Variants in SLC35A4 observed in about 807,000 individuals in gnomAD.
SLC35A4 encodes probable UDP-sugar transporter protein SLC35A4.
A neutral mutation model predicts 18.8 loss-of-function variants in SLC35A4; 9 were observed. The observed-to-expected ratio is 0.48, with a 90% CI of 0.29 to 0.83. The LOEUF (loss-of-function observed/expected upper bound fraction) is 0.83, where lower values mean the gene tolerates loss of function less well. SLC35A4 is among the 40% of genes least tolerant of loss of function. SLC35A4 has a pLI of 0.09. For missense variants in SLC35A4, 404 were observed against 415.5 expected, an observed-to-expected ratio of 0.97 and a Z score of 0.24; for synonymous variants, 189 against 191.9, an observed-to-expected ratio of 0.98 and a Z score of 0.13.
Position 140,567,384 on chromosome 5 carries a change from G to T in SLC35A4, c.215G>T (p.Gly72Val). The change falls in exon 3 of 3, where the codon GGC (glycine) becomes GTC (valine). Residue 72 changes from glycine to valine, a missense_variant. Coordinates refer to ENST00000323146, the MANE Select transcript of SLC35A4 (RefSeq NM_080670.4). ...LLLCAFSLLV[G>V]WQAWPQGPPP... Reference sequence around the variant, plus strand: ...TTATGCGCCTTCTCCCTTCTGGTAGGCTGGCAAGCATGGCCCCAGGGGCCC... The same window carrying T: ...TTATGCGCCTTCTCCCTTCTGGTAGTCTGGCAAGCATGGCCCCAGGGGCCC... 6.2e-7 allele frequency: 1 copy of T among 1,614,190 alleles called. No homozygotes were observed. The highest frequency in any genetic ancestry group is 8.5e-7 in the Non-Finnish European group (1 of 1,180,030).
rs1203068540 is a variant in SLC35A4, at chr5:140,566,701, T to G, written c.-469T>G. The G allele has an allele frequency of 5.2e-6, 3 of 575,382 alleles. No individual in the cohort carries two copies. The African/African-American group carries it at 5.6e-5, about 11-fold the overall frequency. 35.6% of individuals were successfully genotyped at this position (575,382 alleles called of 1,614,324 possible). ...ATCTATGCGGCTCAGGCATATGCTG[T>G]GCCCAACGTGGAGAAGACATTAAGG... On this transcript the variant is annotated 5_prime_UTR_variant, in exon 3 of 3. Coordinates refer to ENST00000323146, the MANE Select transcript of SLC35A4 (RefSeq NM_080670.4).
Position 140,567,014 on chromosome 5 carries a change from C to A in SLC35A4, c.-156C>A. ...ACCACCAGCCCCTTACTCTTCAAGC[C>A]CTGACTGTGGAGTTGGTAGATGCCT... On this transcript the variant is annotated 5_prime_UTR_variant, in exon 3 of 3. Transcript: ENST00000323146. The A allele has an allele frequency of 8.5e-7, 1 of 1,179,888 alleles. No homozygotes were observed. The highest frequency in any genetic ancestry group is 1.3e-5 in the South Asian group (1 of 79,208). The allele number at this position is 1,179,888 out of a possible 1,614,324, so 73.1% of individuals were successfully genotyped here.
At position 140,567,481 on chromosome 5, in the gene SLC35A4, C is replaced by T; in HGVS notation, c.312C>T (p.Ile104=). 2 of 1,614,186 alleles carry T rather than the reference C, an allele frequency of 1.2e-6. No individual in the cohort carries two copies. The highest frequency in any genetic ancestry group is 2.7e-5 in the African/African-American group (2 of 75,078). Residue 104 remains isoleucine, a synonymous_variant, in exon 3 of 3, where the codon ATC becomes ATT. Transcript: ENST00000323146. The part of the protein sequence containing the change: ...LLYGANNNLV[I]YLQRYMDPST... ...ATGGCGCTAACAACAACCTGGTGATCTATCTTCAGCGTTACATGGACCCCA... is the reference window on the plus strand; with the variant it reads ...ATGGCGCTAACAACAACCTGGTGATTTATCTTCAGCGTTACATGGACCCCA...
At chr5:140,566,103 A>G (rs368645180) in intron 2 of SLC35A4, 132 bp downstream of exon 2, 24 of 396,076 alleles carry the variant, frequency 6.1e-5, no homozygotes, top group Admixed American at 5.3e-4. Flanking sequence ...CCTAAGGACA[A>G]TTTTTCTGAA....
At position 140,567,791 on chromosome 5, in the gene SLC35A4, C is replaced by T. The variant is rs1198413320; in HGVS notation, c.622C>T (p.Leu208=). 13 of 1,613,966 alleles carry T rather than the reference C, an allele frequency of 8.1e-6. No homozygotes were observed. Among genetic ancestry groups the T allele is most frequent in the Non-Finnish European group, 1.1e-5 (13 of 1,180,058 alleles). Residue 208 remains leucine, a synonymous_variant, in exon 3 of 3, where the codon CTG becomes TTG. Coordinates refer to ENST00000323146, the MANE Select transcript of SLC35A4 (RefSeq NM_080670.4). ...ISGLSSVYTE[L]LMKRQRLPLA... ...AGGCTTGTCGTCAGTGTACACAGAGCTGCTCATGAAGCGACAGCGGCTGCC... is the reference window on the plus strand; with the variant it reads ...AGGCTTGTCGTCAGTGTACACAGAGTTGCTCATGAAGCGACAGCGGCTGCC...
chr5:140,566,875 C>T lies in SLC35A4; in HGVS notation c.-295C>T. The stretch of plus-strand genomic sequence containing the variant: ...CTATCTCCAACTTTCCTGCCACCTT[C>T]ATCCTTGCCTCCCTTCCTGCAGATT... On this transcript the variant is annotated 5_prime_UTR_variant, in exon 3 of 3. Transcript: ENST00000323146. The T allele has an allele frequency of 1.6e-6, 1 of 612,916 alleles. No individual in the cohort carries two copies. The highest frequency in any genetic ancestry group is 2.9e-6 in the Non-Finnish European group (1 of 343,554). 38.0% of individuals were successfully genotyped at this position (612,916 alleles called of 1,614,324 possible). A position where few individuals can be genotyped will look rare whatever the true frequency, so the allele number is the denominator to read the frequency against.
intron 1 of SLC35A4, 192 bp from the exon 2 acceptor site, chr5:140,565,671 TCTGTCAGTCC>T (rs1755169065): frequency 2.7e-6 from 1 of 368,000 alleles, no homozygotes; most frequent in Non-Finnish European, 4.8e-6. Context: ...TCAGATCCCA[TCTGTCAGTCC>T]CTTCCTGGCC....
chr5:140,567,996 G>A lies in SLC35A4; in HGVS notation c.827G>A (p.Ser276Asn), dbSNP rs751738056. 1.2e-6 allele frequency: 2 copies of A among 1,614,134 alleles called. No homozygotes were observed. Among genetic ancestry groups the A allele is most frequent in the South Asian group, 2.2e-5 (2 of 91,088 alleles). The change falls in exon 3 of 3, where the codon AGC becomes AAC. Residue 276 changes from serine to asparagine, a missense_variant. Coordinates refer to ENST00000323146, the MANE Select transcript of SLC35A4 (RefSeq NM_080670.4). ...LMSAVMKHGS[S>N]ITRLFVVSCS... The stretch of plus-strand genomic sequence containing the variant: ...TCTGCTGTCATGAAGCATGGCAGCA[G>A]CATCACACGCCTCTTTGTGGTGTCC...
chr5:140,567,719 A>C lies in SLC35A4; in HGVS notation c.550A>C (p.Ile184Leu). ...TGCTGCCAGCCCCATGCCCCTGCAT[A>C]TCACTCCGCTAGGCCTGCTGCTCCT... is the stretch of plus-strand genomic sequence containing the variant. Reference protein sequence around the residue: ...AAAASPMPLHITPLGLLLLIL... With the variant: ...AAAASPMPLHLTPLGLLLLIL... Residue 184 changes from isoleucine to leucine, a missense_variant, in exon 3 of 3, where the codon ATC (isoleucine) becomes CTC (leucine). Physicochemically the swap from Ile to Leu is conservative, Grantham distance 5. Transcript: ENST00000323146. 1 of 1,614,134 alleles carries C rather than the reference A, an allele frequency of 6.2e-7. No individual in the cohort carries two copies. Among genetic ancestry groups the C allele is most frequent in the Non-Finnish European group, 8.5e-7 (1 of 1,180,040 alleles).
At position 140,567,479 on chromosome 5, in the gene SLC35A4, A is replaced by T; in HGVS notation, c.310A>T (p.Ile104Phe). ...LLYGANNNLVIYLQRYMDPST... is the reference protein window; with the variant it reads ...LLYGANNNLVFYLQRYMDPST... ...CTATGGCGCTAACAACAACCTGGTG[A>T]TCTATCTTCAGCGTTACATGGACCC... The change falls in exon 3 of 3, where the codon ATC (isoleucine) becomes TTC (phenylalanine). Residue 104 changes from isoleucine (I) to phenylalanine (F), a missense_variant. Physicochemically the swap from Ile to Phe is conservative, Grantham distance 21. Coordinates refer to ENST00000323146, the MANE Select transcript of SLC35A4 (RefSeq NM_080670.4). 1 of 1,614,126 alleles carries T rather than the reference A, an allele frequency of 6.2e-7. No individual in the cohort carries two copies. Among genetic ancestry groups the T allele is most frequent in the Non-Finnish European group, 8.5e-7 (1 of 1,180,018 alleles).
Position 140,564,830 on chromosome 5 carries a change from G to C in SLC35A4, c.-733G>C. 1 of 403,094 alleles carries C rather than the reference G, an allele frequency of 2.5e-6. No homozygotes were observed. Among genetic ancestry groups the C allele is most frequent in the Non-Finnish European group, 4.4e-6 (1 of 228,128 alleles). 25.0% of individuals were successfully genotyped at this position (403,094 alleles called of 1,614,324 possible). ...AGGCGGGGATGCGCCTGCGCAACAAGTTCGGCGGGGAAGATGGCGGATGAC... is the reference window on the plus strand; with the variant it reads ...AGGCGGGGATGCGCCTGCGCAACAACTTCGGCGGGGAAGATGGCGGATGAC... On this transcript the variant is annotated 5_prime_UTR_variant, in exon 1 of 3. Coordinates refer to ENST00000323146, the MANE Select transcript of SLC35A4 (RefSeq NM_080670.4). This position sits in a 1 kb window ranked among gnomAD's most constrained non-coding sequence, Gnocchi z 5.0.
At chr5:140,565,816 T>C (rs766384724) in intron 1 of SLC35A4, 57 bp from the exon 2 acceptor site, 1 of 398,238 alleles carries the variant, frequency 2.5e-6, no homozygotes. Flanking sequence ...TCTGATGGAA[T>C]TGAGCAAGGG....
intron 2 of SLC35A4, 46 bp from the exon 3 acceptor site, chr5:140,566,519 T>G (rs1755191630): frequency 2.4e-6 from 1 of 413,254 alleles, no homozygotes; most frequent in Non-Finnish European, 4.3e-6. Flanking sequence ...CCCTGGACAG[T>G]CAGGAAGGAG....
At chr5:140,565,213 C>T (rs1418403092) in intron 1 of SLC35A4, 1 of 294,236 alleles carries the variant, frequency 3.4e-6, no homozygotes, top group Non-Finnish European at 6.2e-6. Flanking sequence ...ACTCACACCA[C>T]CCTCATTCAA....
rs1359986820 is a variant in SLC35A4 at position 140,568,043 on chromosome 5, G to A, written c.874G>A (p.Val292Met). The A allele has an allele frequency of 5.0e-6, 8 of 1,613,942 alleles. No individual in the cohort carries two copies. Among genetic ancestry groups the A allele is most frequent in the East Asian group, 4.5e-5 (2 of 44,878 alleles). ...VVSCSLVVNAVLSAVLLRLQL... is the reference protein window; with the variant it reads ...VVSCSLVVNAMLSAVLLRLQL... Reference sequence around the variant, plus strand: ...GTCCTGCTCGCTGGTGGTCAACGCCGTGCTCTCAGCAGTCCTGCTACGGCT... The same window carrying A: ...GTCCTGCTCGCTGGTGGTCAACGCCATGCTCTCAGCAGTCCTGCTACGGCT... Residue 292 changes from valine to methionine, a missense_variant, in exon 3 of 3, where the codon GTG (valine) becomes ATG (methionine). Physicochemically the swap from Val to Met is conservative, Grantham distance 21. Transcript: ENST00000323146.
intron 2 of SLC35A4, among the ~76,000 whole-genome samples, chr5:140,566,220 A>G (rs1259485958): frequency 6.6e-6 from 1 of 152,214 alleles, no homozygotes; most frequent in Non-Finnish European, 1.5e-5. Flanking sequence ...AGGAAGTAGC[A>G]TTATAAACAT....
Position 140,565,943 on chromosome 5 carries a change from A to C in SLC35A4, c.-634A>C, listed in dbSNP as rs1241960563. ...CTGGAAAGCCTGCAGCGGCGTGTAG[A>C]AGACGAAGTCAACAGTGGAGTGGGC... On this transcript the variant is annotated 5_prime_UTR_variant, in exon 2 of 3. Coordinates refer to ENST00000323146, the MANE Select transcript of SLC35A4 (RefSeq NM_080670.4). 3 of 398,794 alleles carry C rather than the reference A, an allele frequency of 7.5e-6. No homozygotes were observed. In the South Asian group the frequency reaches 3.8e-4, roughly 51 times the overall value. The allele number at this position is 398,794 out of a possible 1,614,324, so 24.7% of individuals were successfully genotyped here.
Position 140,566,684 on chromosome 5 carries a change from G to A in SLC35A4, c.-486G>A, listed in dbSNP as rs11551312. ...TGGGCACCTGCACTGGCATCTATGC[G>A]GCTCAGGCATATGCTGTGCCCAACG... is the stretch of plus-strand genomic sequence containing the variant. On this transcript the variant is annotated 5_prime_UTR_variant, in exon 3 of 3. Coordinates refer to ENST00000323146, the MANE Select transcript of SLC35A4 (RefSeq NM_080670.4). The A allele has an allele frequency of 0.039, 20,408 of 521,916 alleles. 544 individuals are homozygous for A. Among genetic ancestry groups the A allele is most frequent in the Middle Eastern group, 0.056 (113 of 2,024 alleles). 32.3% of individuals were successfully genotyped at this position (521,916 alleles called of 1,614,324 possible). A position where few individuals can be genotyped will look rare whatever the true frequency, so the allele number is the denominator to read the frequency against.
rs1043658 is a variant in SLC35A4 at position 140,568,920 on chromosome 5, C to G, written c.*776C>G. 6.0e-6 allele frequency: 1 copy of G among 167,252 alleles called. No homozygotes were observed. Among genetic ancestry groups the G allele is most frequent in the Non-Finnish European group, 1.5e-5 (1 of 68,222 alleles). 10.4% of individuals were successfully genotyped at this position (167,252 alleles called of 1,614,324 possible). ...CCTAGGAGGTACCATGCTTCCCACT[C>G]TGGGGCCTGCCCCTGCCTAGCAGTC... On this transcript the variant is annotated 3_prime_UTR_variant, in exon 3 of 3. Coordinates refer to ENST00000323146, the MANE Select transcript of SLC35A4 (RefSeq NM_080670.4).
Sources: gnomAD v4.1 joint callset for allele counts (sites outside exome capture counted in the v4.1 genomes callset) on GRCh38, gnomAD v4.1.1 for gene constraint, Gnocchi (gnomAD v3.1) non-coding constraint, MANE v1.5 for transcripts, NCBI Gene and HGNC (gene_info 2026-07-23, HGNC 2026-07-21) for gene names.